The following EXD1 variants were observed in gnomAD, a reference collection of about 807,000 sequenced individuals.
EXD1 encodes piRNA biogenesis protein EXD1.
A neutral mutation model predicts 49.1 loss-of-function variants in EXD1; 63 were observed. The ratio of observed to expected loss-of-function variants is 1.28; its 90% CI spans 1.05 to 1.58. The LOEUF (loss-of-function observed/expected upper bound fraction) is 1.58, where lower values mean the gene tolerates loss of function less well. EXD1 is among the 40% of genes most tolerant of loss of function. The probability of loss-of-function intolerance (pLI) is 0.00; values close to 1 mark genes in which losing one functional copy is unlikely to be tolerated. For synonymous variants in EXD1, 234 were observed against 239.2 expected, an observed-to-expected ratio of 0.98 and a Z score of 0.20; for missense variants, 748 against 666.0, an observed-to-expected ratio of 1.12 and a Z score of -1.36.
intron 7 of EXD1, among the ~76,000 whole-genome samples, chr15:41,204,751 T>C (rs552066796): frequency 6.6e-6 from 1 of 152,068 alleles, no homozygotes; most frequent in East Asian, 1.9e-4. Context: ...CTTGTATATA[T>C]ACATACACAT....
In EXD1 at chr15:41,199,742, ATATAT is replaced by A. The variant is rs1438950420; in HGVS notation, c.535-3710_535-3706del. On this transcript the variant is annotated intron_variant, in intron 7 of 11. Transcript: ENST00000458580. Reference sequence around the variant, plus strand: ...ATATATTATATATGATATATATGTCATATATTATATATGATACATATATGATATAT... The same window carrying A: ...ATATATTATATATGATATATATGTCATATATATGATACATATATGATATAT... 1.4e-3 allele frequency among the ~76,000 whole-genome samples: 44 copies of A among 30,548 alleles called. 4 individuals are homozygous for A. The highest frequency in any genetic ancestry group is 3.2e-4 in the Non-Finnish European group (6 of 18,664). The allele number at this position is 30,548 out of a possible 152,430, so 20.0% of individuals were successfully genotyped here. A position where few individuals can be genotyped will look rare whatever the true frequency, so the allele number is the denominator to read the frequency against.
At position 41,184,220 on chromosome 15, in the gene EXD1, G is replaced by C; in HGVS notation, c.1430C>G (p.Ser477Ter). ...NKLICTKSKG[S>*]EDQRITQKEH... ...TTTCTGAGTTATTCTCTGGTCCTCTGACCCCTTTGACTTTGTGCAAATGAG... is the reference window on the plus strand; with the variant it reads ...TTTCTGAGTTATTCTCTGGTCCTCTCACCCCTTTGACTTTGTGCAAATGAG... Residue 477 changes from serine to a stop codon, truncating the protein, a stop_gained, in exon 12 of 12, where the codon TCA (serine) becomes TGA (stop). Transcript: ENST00000458580. LOFTEE classifies it low-confidence loss of function (END_TRUNC). 1 of 1,614,144 alleles carries C rather than the reference G, an allele frequency of 6.2e-7. No individual in the cohort carries two copies. The highest frequency in any genetic ancestry group is 8.5e-7 in the Non-Finnish European group (1 of 1,180,038).
rs2046568579 is a variant in EXD1, at chr15:41,193,795, T to C, written c.720+1980A>G. On this transcript the variant is annotated intron_variant, in intron 9 of 11. Coordinates refer to ENST00000458580, the MANE Select transcript of EXD1 (RefSeq NM_001286441.2). The stretch of plus-strand genomic sequence containing the variant: ...TCTACTGGTAACCAAGAAAATTTTG[T>C]AAGAAAAGCTAATAAAATAAATAAT... Among the ~76,000 whole-genome samples the C allele has an allele frequency of 2.6e-5, 4 of 151,846 alleles. 1 individual carries two copies. The South Asian group carries it at 8.3e-4, about 32-fold the overall frequency.
At chr15:41,188,975 T>C (rs2140806592) in intron 11 of EXD1, among the ~76,000 whole-genome samples, 1 of 151,928 alleles carries the variant, frequency 6.6e-6, no homozygotes, top group Admixed American at 6.6e-5. Flanking sequence ...GCTCATTTTT[T>C]GTATTTTTAG....
At chr15:41,191,643 T>C (rs1360137927) in intron 9 of EXD1, 58 bp from the exon 10 acceptor site, 1 of 1,479,732 alleles carries the variant, frequency 6.8e-7, no homozygotes, top group East Asian at 2.3e-5. Flanking sequence ...AGCTATCTCA[T>C]GCCAGAAATA....
At chr15:41,195,273 T>G (rs1017328123) in intron 9 of EXD1, among the ~76,000 whole-genome samples, 1 of 152,160 alleles carries the variant, frequency 6.6e-6, no homozygotes, top group Non-Finnish European at 1.5e-5. Context: ...GCTTTCTCAT[T>G]TATCTAAGGT....
At chr15:41,189,355 G>A (rs538936058) in intron 11 of EXD1, among the ~76,000 whole-genome samples, 19 of 150,750 alleles carry the variant, frequency 1.3e-4, no homozygotes, top group Admixed American at 4.0e-4. Flanking sequence ...GTGACAGAGC[G>A]AGACTCCATC....
At chr15:41,189,426 G>T (rs973605903) in intron 11 of EXD1, among the ~76,000 whole-genome samples, 1 of 150,950 alleles carries the variant, frequency 6.6e-6, no homozygotes, top group Non-Finnish European at 1.5e-5. Flanking sequence ...CACTTTGGGA[G>T]GCCAAGGTGG....
At chr15:41,229,185 A>G (rs1362563260) in intron 1 of EXD1, among the ~76,000 whole-genome samples, 1 of 152,204 alleles carries the variant, frequency 6.6e-6, no homozygotes, top group Non-Finnish European at 1.5e-5. Context: ...CAATCATAAA[A>G]ATAACTCTAA....
intron 2 of EXD1, among the ~76,000 whole-genome samples, chr15:41,220,814 A>G (rs1197640265): frequency 6.6e-6 from 1 of 152,178 alleles, no homozygotes; most frequent in East Asian, 1.9e-4. Context: ...ATATATTCCT[A>G]CTAGGATCAA....
intron 11 of EXD1, among the ~76,000 whole-genome samples, chr15:41,189,347 G>A (rs186569630): frequency 6.6e-6 from 1 of 151,166 alleles, no homozygotes; most frequent in Non-Finnish European, 1.5e-5. Flanking sequence ...CAGCCTGAGT[G>A]ACAGAGCGAG....
chr15:41,230,242 C>G (rs1172981791), intron 1 of EXD1, among the ~76,000 whole-genome samples: 1 of 151,904 alleles, frequency 6.6e-6, no homozygotes, highest in African/African-American at 2.4e-5. Flanking sequence ...CGGCACCACA[C>G]CCGGATAATT....
Position 41,183,327 on chromosome 15 carries a change from T to C in EXD1, c.*604A>G, listed in dbSNP as rs1322713253. On this transcript the variant is annotated 3_prime_UTR_variant, in exon 12 of 12. Coordinates refer to ENST00000458580, the MANE Select transcript of EXD1 (RefSeq NM_001286441.2). ...ACAAAAATTAAATTATTGATTCCTA[T>C]AACATTATTTGCCTAAGAGACAGAC... is the stretch of plus-strand genomic sequence containing the variant. The C allele has an allele frequency of 6.6e-6, 1 of 152,044 alleles. No homozygotes were observed. The highest frequency in any genetic ancestry group is 1.9e-4 in the East Asian group (1 of 5,202). 9.4% of individuals were successfully genotyped at this position (152,044 alleles called of 1,614,324 possible).
intron 1 of EXD1, among the ~76,000 whole-genome samples, 185 bp downstream of exon 1, chr15:41,230,294 G>A (rs1339335748): frequency 6.6e-6 from 1 of 151,980 alleles, no homozygotes; most frequent in African/African-American, 2.4e-5. Context: ...TATTGGTCAG[G>A]CTGGTCTCGA....
rs146116226 is a variant in EXD1 at position 41,201,162 on chromosome 15, C to T, written c.535-5125G>A. 4.9e-4 allele frequency among the ~76,000 whole-genome samples: 75 copies of T among 152,258 alleles called. 1 individual carries two copies. In the East Asian group the frequency reaches 0.011, roughly 22 times the overall value. The stretch of plus-strand genomic sequence containing the variant: ...GGGCTGGGATTACAGGCATGAGCCA[C>T]TGTGCCTGGCCAGAATGTTCTGTGT... On this transcript the variant is annotated intron_variant, in intron 7 of 11. Transcript: ENST00000458580.
chr15:41,190,235 G>A, intron 10 of EXD1, 107 bp from the exon 11 acceptor site: 5 of 1,190,076 alleles, frequency 4.2e-6, no homozygotes, highest in Non-Finnish European at 6.1e-6. Context: ...AGCACTCTGG[G>A]AGGCTGAGGC....
intron 9 of EXD1, 92 bp from the exon 10 acceptor site, chr15:41,191,677 C>T: frequency 7.9e-7 from 1 of 1,270,794 alleles, no homozygotes; most frequent in Non-Finnish European, 1.1e-6. Flanking sequence ...GTCTAAATAA[C>T]ATTTTCCCCA....
In EXD1 at chr15:41,230,470, A is replaced by C; in HGVS notation, c.-54+9T>G. 6.2e-7 allele frequency: 1 copy of C among 1,612,598 alleles called. No individual in the cohort carries two copies. On this transcript the variant is annotated intron_variant, in intron 1 of 11. Coordinates refer to ENST00000458580, the MANE Select transcript of EXD1 (RefSeq NM_001286441.2). ...AGACAAAATAAGGAACTTCAAATAA[A>C]TGGCGGACCATAAGCTAGGAATTCA...
At chr15:41,209,192 A>G (rs494490) in intron 7 of EXD1, among the ~76,000 whole-genome samples, 85,360 of 151,862 alleles carry the variant, frequency 0.56, 25,448 homozygotes, top group African/African-American at 0.78. Context: ...GGGGGGCTAA[A>G]GCAAGAGGAT....
Sources: gnomAD v4.1 joint callset for allele counts (sites outside exome capture counted in the v4.1 genomes callset) on GRCh38, gnomAD v4.1.1 for gene constraint, MANE v1.5 for transcripts, NCBI Gene and HGNC (gene_info 2026-07-23, HGNC 2026-07-21) for gene names.